Variants in PARD3 observed in about 807,000 individuals in gnomAD.
PARD3 encodes partitioning defective 3 homolog.
A neutral mutation model predicts 155.4 loss-of-function variants in PARD3; 75 were observed. The observed-to-expected ratio is 0.48, with a 90% confidence interval of 0.40 to 0.58. The LOEUF is 0.58. PARD3 is among the 20% of genes least tolerant of loss of function. The pLI is 0.00. For synonymous variants in PARD3, 576 were observed against 610.5 expected (o/e 0.94, Z 0.83); for missense variants, 1,642 against 1,721.7 (o/e 0.95, Z 0.82).
chr10:34,529,534 C>T (rs192550981), intron 2 of PARD3, among the ~76,000 whole-genome samples: 181 of 152,210 alleles, frequency 1.2e-3, no homozygotes, highest in South Asian at 3.3e-3. Flanking sequence ...CCCACACAGT[C>T]GAAATCTGAG....
At chr10:34,369,292 T>G (rs988712841) in intron 12 of PARD3, among the ~76,000 whole-genome samples, 3 of 150,996 alleles carry the variant, frequency 2.0e-5, no homozygotes, top group Non-Finnish European at 4.4e-5. Context: ...CATTATGAGA[T>G]TTTTGTGATT....
At chr10:34,688,060 C>G (rs1300291959) in intron 2 of PARD3, among the ~76,000 whole-genome samples, 1 of 151,718 alleles carries the variant, frequency 6.6e-6, no homozygotes, top group Admixed American at 6.6e-5. Context: ...GTTAGGTTGC[C>G]CAGGCTGCTC....
chr10:34,754,623 A>G (rs1417816103), intron 1 of PARD3, among the ~76,000 whole-genome samples: 1 of 152,218 alleles, frequency 6.6e-6, no homozygotes. Context: ...ACTAATTTTT[A>G]AATCAGGCAG....
intron 1 of PARD3, among the ~76,000 whole-genome samples, chr10:34,733,565 ACTCCTCCTCCCGGG>A (rs2094855945): frequency 6.6e-6 from 1 of 151,844 alleles, no homozygotes; most frequent in African/African-American, 2.4e-5. Flanking sequence ...CTCACCACGA[ACTCCTCCTCCCGGG>A]CTCAAGCAAT....
chr10:34,413,138 TATATATACACACACAC>T (rs1292639397), intron 5 of PARD3, among the ~76,000 whole-genome samples: 2 of 93,610 alleles, frequency 2.1e-5, no homozygotes, highest in African/African-American at 1.1e-4. Context: ...GTACTTCAGA[TATATATACACACACAC>T]ACACACACAC....
At chr10:34,247,206 A>C (rs1954010210) in intron 22 of PARD3, among the ~76,000 whole-genome samples, 1 of 152,216 alleles carries the variant, frequency 6.6e-6, no homozygotes, top group South Asian at 2.1e-4. Flanking sequence ...AAAATCAATC[A>C]ATAGAAACAG....
intron 2 of PARD3, among the ~76,000 whole-genome samples, chr10:34,542,202 G>GTT (rs1564825957): frequency 1.1e-3 from 72 of 65,760 alleles, no homozygotes; most frequent in African/African-American, 4.2e-3. Context: ...GGTTGTTTGG[G>GTT]GTGTGTGTGT....
intron 5 of PARD3, among the ~76,000 whole-genome samples, chr10:34,416,456 G>A (rs1248771011): frequency 6.6e-6 from 1 of 152,176 alleles, no homozygotes; most frequent in African/African-American, 2.4e-5. Flanking sequence ...ATGAGACTAT[G>A]TCAGAAGAAG....
chr10:34,183,853 G>A (rs963400376), intron 22 of PARD3, among the ~76,000 whole-genome samples: 3 of 152,174 alleles, frequency 2.0e-5, no homozygotes, highest in Non-Finnish European at 2.9e-5. Flanking sequence ...CTCCACGTAT[G>A]TACGTGTCGT....
intron 2 of PARD3, among the ~76,000 whole-genome samples, chr10:34,673,391 A>G (rs1326856719): frequency 6.6e-6 from 1 of 152,234 alleles, no homozygotes; most frequent in Non-Finnish European, 1.5e-5. Flanking sequence ...GCTAAACTTA[A>G]TTATTTCAAA....
chr10:34,339,388 C>G (rs1310393573), intron 16 of PARD3, among the ~76,000 whole-genome samples: 1 of 151,986 alleles, frequency 6.6e-6, no homozygotes, highest in Non-Finnish European at 1.5e-5. Flanking sequence ...CAAAAAAAAC[C>G]TCAACTCCAA....
intron 1 of PARD3, among the ~76,000 whole-genome samples, chr10:34,768,777 G>A (rs1048857119): frequency 3.3e-5 from 5 of 152,206 alleles, no homozygotes; most frequent in Non-Finnish European, 7.3e-5. Flanking sequence ...CAGGCAAATG[G>A]CTTGGTCCTT....
intron 1 of PARD3, among the ~76,000 whole-genome samples, chr10:34,787,528 C>T (rs1392373591): frequency 1.3e-5 from 2 of 152,170 alleles, no homozygotes. Flanking sequence ...ATGCTCTTTA[C>T]AGCTGGTCTC....
At chr10:34,194,876 AT>A (rs1950873241) in intron 22 of PARD3, among the ~76,000 whole-genome samples, 1 of 152,230 alleles carries the variant, frequency 6.6e-6, no homozygotes, top group Non-Finnish European at 1.5e-5. Context: ...AGCTGAGGTG[AT>A]TACATGTATT....
chr10:34,603,694 T>TA (rs2089983645), intron 2 of PARD3, among the ~76,000 whole-genome samples: 1 of 152,064 alleles, frequency 6.6e-6, no homozygotes, highest in Admixed American at 6.6e-5. Flanking sequence ...CCCAACATAT[T>TA]AGACAGGGAG....
At chr10:34,183,311 T>C (rs1029311622) in intron 22 of PARD3, among the ~76,000 whole-genome samples, 5 of 152,170 alleles carry the variant, frequency 3.3e-5, no homozygotes, top group African/African-American at 1.2e-4. Flanking sequence ...CACCACAGCC[T>C]CCACCTCCCT....
chr10:34,573,593 A>C (rs1248121624), intron 2 of PARD3, among the ~76,000 whole-genome samples: 2 of 151,912 alleles, frequency 1.3e-5, no homozygotes, highest in African/African-American at 4.8e-5. Flanking sequence ...TGTAGTACCA[A>C]CTACTAAGGA....
intron 3 of PARD3, among the ~76,000 whole-genome samples, chr10:34,516,251 C>T (rs1326777924): frequency 6.6e-6 from 1 of 152,184 alleles, no homozygotes; most frequent in Non-Finnish European, 1.5e-5. Context: ...AGGCATAAGC[C>T]ACCCCGCCCA....
chr10:34,143,138 G>A (rs996973939), intron 22 of PARD3, among the ~76,000 whole-genome samples: 2 of 152,094 alleles, frequency 1.3e-5, no homozygotes, highest in Admixed American at 6.6e-5. Context: ...TGGCCAACAT[G>A]GTGAAACCCT....
Sources: allele counts gnomAD v4.1 joint callset (sites outside exome capture counted in the v4.1 genomes callset), GRCh38; gene constraint gnomAD v4.1.1; transcripts MANE v1.5; gene names NCBI Gene and HGNC (gene_info 2026-07-23, HGNC 2026-07-21).